ADAM12: variants seen among roughly 807,000 people sequenced by gnomAD.
ADAM12 encodes disintegrin and metalloproteinase domain-containing protein 12.
In ADAM12, 70 loss-of-function variants were observed where a neutral mutation model predicts 106.4. The observed-to-expected ratio is 0.66, with a 90% CI of 0.54 to 0.80. The LOEUF (loss-of-function observed/expected upper bound fraction) is 0.80. ADAM12 is among the 30% of genes least tolerant of loss of function. The probability of loss-of-function intolerance (pLI) is 0.00; values close to 1 mark genes in which losing one functional copy is unlikely to be tolerated. For synonymous variants in ADAM12, 420 were observed against 433.5 expected, an observed-to-expected ratio of 0.97 and a Z score of 0.39; for missense variants, 1,010 against 1,171.9, an observed-to-expected ratio of 0.86 and a Z score of 2.02.
At chr10:126,256,938 G>A (rs1167967381) in intron 3 of ADAM12, among the ~76,000 whole-genome samples, 1 of 152,116 alleles carries the variant, frequency 6.6e-6, no homozygotes, top group African/African-American at 2.4e-5. Context: ...TGATGATGAT[G>A]ATGATGGAGG....
intron 2 of ADAM12, among the ~76,000 whole-genome samples, chr10:126,302,508 G>C (rs1197556784): frequency 6.6e-6 from 1 of 152,212 alleles, no homozygotes; most frequent in Non-Finnish European, 1.5e-5. Flanking sequence ...AACACAGATA[G>C]ATGGGAAGAT....
chr10:126,182,861 G>A (rs190792551), intron 3 of ADAM12, among the ~76,000 whole-genome samples: 36 of 152,348 alleles, frequency 2.4e-4, no homozygotes, highest in Non-Finnish European at 3.7e-4. Flanking sequence ...GCACGCAAGC[G>A]TGCAATCCAC....
chr10:126,184,565 G>A (rs917286356), intron 3 of ADAM12, among the ~76,000 whole-genome samples: 1 of 152,202 alleles, frequency 6.6e-6, no homozygotes, highest in African/African-American at 2.4e-5. Context: ...GCAAATTGCA[G>A]ATGGCATTTT....
At chr10:126,078,356 T>C (rs767457972) in intron 11 of ADAM12, among the ~76,000 whole-genome samples, 14 of 152,166 alleles carry the variant, frequency 9.2e-5, no homozygotes, top group Non-Finnish European at 1.8e-4. Flanking sequence ...CTTGCCAAGC[T>C]CCTTCCTTAA....
chr10:126,379,927 T>C (rs983469437), intron 1 of ADAM12, among the ~76,000 whole-genome samples: 2 of 152,132 alleles, frequency 1.3e-5, no homozygotes, highest in African/African-American at 2.4e-5. Flanking sequence ...GGGGAAGACA[T>C]GTCAAGGTGT....
At chr10:126,241,498 C>A (rs975290456) in intron 3 of ADAM12, among the ~76,000 whole-genome samples, 1 of 152,242 alleles carries the variant, frequency 6.6e-6, no homozygotes, top group Admixed American at 6.5e-5. Flanking sequence ...TGCGCTCAAA[C>A]TGGCAGAATT....
intron 1 of ADAM12, among the ~76,000 whole-genome samples, chr10:126,360,427 T>G (rs1285085045): frequency 1.3e-5 from 2 of 152,208 alleles, no homozygotes; most frequent in Non-Finnish European, 2.9e-5. Context: ...AAGTCACCTC[T>G]TGAATGCTAT....
intron 11 of ADAM12, among the ~76,000 whole-genome samples, chr10:126,082,447 T>C (rs998393706): frequency 7.0e-6 from 1 of 142,796 alleles, no homozygotes; most frequent in Non-Finnish European, 1.5e-5. Context: ...CGGCTCACCG[T>C]AACTTCCGCC....
intron 8 of ADAM12, among the ~76,000 whole-genome samples, chr10:126,103,056 G>A (rs1412959154): frequency 6.6e-6 from 1 of 152,170 alleles, no homozygotes; most frequent in Non-Finnish European, 1.5e-5. Flanking sequence ...TCCCAGGAGT[G>A]TTGCATGGAG....
chr10:126,293,288 T>C (rs982885215), intron 2 of ADAM12, among the ~76,000 whole-genome samples: 2 of 152,208 alleles, frequency 1.3e-5, no homozygotes, highest in Non-Finnish European at 2.9e-5. Flanking sequence ...AACAGTTGGC[T>C]AAAACTAACT....
At chr10:126,028,592 G>A (rs745634224) in intron 21 of ADAM12, among the ~76,000 whole-genome samples, 1 of 152,142 alleles carries the variant, frequency 6.6e-6, no homozygotes, top group Admixed American at 6.6e-5. Context: ...TGGAAGAACT[G>A]GATAGCCATA....
At chr10:126,200,493 A>G (rs1402753632) in intron 3 of ADAM12, among the ~76,000 whole-genome samples, 1 of 152,166 alleles carries the variant, frequency 6.6e-6, no homozygotes, top group Non-Finnish European at 1.5e-5. Context: ...TCCTGTCTCC[A>G]TCTCCCACTA....
At chr10:126,057,845 T>C (rs1954665633) in intron 14 of ADAM12, among the ~76,000 whole-genome samples, 3 of 152,188 alleles carry the variant, frequency 2.0e-5, no homozygotes, top group Admixed American at 2.0e-4. Context: ...GTTGAACACC[T>C]CTCCCATATC....
chr10:126,128,358 G>C (rs550998947), intron 5 of ADAM12, among the ~76,000 whole-genome samples: 1 of 152,204 alleles, frequency 6.6e-6, no homozygotes, highest in Non-Finnish European at 1.5e-5. Context: ...GCAATGCTGG[G>C]GGTTGGGAAA....
At chr10:126,254,378 T>C (rs1958847709) in intron 3 of ADAM12, among the ~76,000 whole-genome samples, 1 of 152,224 alleles carries the variant, frequency 6.6e-6, no homozygotes, top group Admixed American at 6.5e-5. Flanking sequence ...GCAAGTCATG[T>C]GCTCCCTCTG....
rs761771263 is a variant in ADAM12, at chr10:126,036,201, G to A, written c.2474C>T (p.Ala825Val). Reference sequence around the variant, plus strand: ...CAGGGGTCTGGCAGGGACGCTAGGTGCACGTGGAGCCCGGTGGAGGGGAGG... The same window carrying A: ...CAGGGGTCTGGCAGGGACGCTAGGTACACGTGGAGCCCGGTGGAGGGGAGG... ...VLPPLHRAPR[A>V]PSVPARPLPA... Residue 825 changes from alanine (A) to valine (V), a missense_variant, in exon 21 of 23, where the codon GCA becomes GTA. Ala to Val is a moderately conservative substitution (Grantham distance 64). This residue lies in a region of ADAM12 where 615 missense variants were observed against 708.5 expected (regional missense o/e 0.87). Coordinates refer to ENST00000448723, the MANE Select transcript of ADAM12 (RefSeq NM_001288973.2). 1 of 1,546,016 alleles carries A rather than the reference G, an allele frequency of 6.5e-7. No homozygotes were observed. Among genetic ancestry groups the A allele is most frequent in the South Asian group, 1.2e-5 (1 of 81,072 alleles).
intron 3 of ADAM12, among the ~76,000 whole-genome samples, chr10:126,199,527 C>T (rs568482509): frequency 4.6e-5 from 7 of 152,170 alleles, no homozygotes; most frequent in Non-Finnish European, 1.0e-4. Flanking sequence ...CCATAAACCT[C>T]TGCTCATCAA....
chr10:126,381,273 T>G (rs1461906267), intron 1 of ADAM12, among the ~76,000 whole-genome samples: 1 of 152,096 alleles, frequency 6.6e-6, no homozygotes, highest in African/African-American at 2.4e-5. Context: ...AAATTCTAAA[T>G]GTACATGGCG....
chr10:126,017,571 A>G (rs1254429760), intron 22 of ADAM12, among the ~76,000 whole-genome samples: 1 of 152,218 alleles, frequency 6.6e-6, no homozygotes, highest in Non-Finnish European at 1.5e-5. Flanking sequence ...TACACAAGAA[A>G]TTTTAAATTT....
Sources: allele counts gnomAD v4.1 joint callset (sites outside exome capture counted in the v4.1 genomes callset), GRCh38; gene constraint gnomAD v4.1.1; regional missense constraint gnomAD v4.1.1; transcripts MANE v1.5; gene names NCBI Gene and HGNC (gene_info 2026-07-23, HGNC 2026-07-21).